The following FAM151B variants were observed in gnomAD, a reference collection of about 807,000 sequenced individuals.
The protein encoded by FAM151B is protein FAM151B.
Under a neutral mutation model 31.2 loss-of-function variants are expected in FAM151B, and 24 were observed. That is an observed-to-expected ratio of 0.77 (90% confidence interval 0.56 to 1.08). The LOEUF is 1.08. Ranked by LOEUF, FAM151B falls within the 50% of genes least tolerant of loss-of-function variation. FAM151B has a pLI of 0.00. For synonymous variants in FAM151B, 105 were observed against 111.4 expected (o/e 0.94, Z 0.36); for missense variants, 293 against 328.6 (o/e 0.89, Z 0.84).
chr5:80,540,441 A>T (rs1272055640), intron 5 of FAM151B, among the ~76,000 whole-genome samples: 1 of 152,222 alleles, frequency 6.6e-6, no homozygotes, highest in African/African-American at 2.4e-5. Context: ...CACAATAAAG[A>T]AGGTTAAAAA....
At chr5:80,491,680 C>T (rs960955778) in intron 1 of FAM151B, among the ~76,000 whole-genome samples, 1 of 152,162 alleles carries the variant, frequency 6.6e-6, no homozygotes, top group Non-Finnish European at 1.5e-5. Flanking sequence ...GCTTTCTACT[C>T]CTAGAGCTCT....
chr5:80,514,753 A>G (rs974671937), intron 3 of FAM151B, among the ~76,000 whole-genome samples: 1 of 152,098 alleles, frequency 6.6e-6, no homozygotes, highest in African/African-American at 2.4e-5. Context: ...TTTAAATAGA[A>G]TTATCTCAAG....
At chr5:80,509,376 C>A (rs1744101082) in intron 2 of FAM151B, among the ~76,000 whole-genome samples, 1 of 152,092 alleles carries the variant, frequency 6.6e-6, no homozygotes, top group African/African-American at 2.4e-5. Flanking sequence ...ATTTAAAGGA[C>A]TTTGGAAAGT....
At chr5:80,505,189 T>C (rs1743905113) in intron 2 of FAM151B, among the ~76,000 whole-genome samples, 1 of 152,050 alleles carries the variant, frequency 6.6e-6, no homozygotes, top group Non-Finnish European at 1.5e-5. Context: ...GTTTATTTCT[T>C]TATTTTTATT....
Position 80,521,718 on chromosome 5 carries a change from A to AT in FAM151B, c.536-277dup, listed in dbSNP as rs550602040. ...AAGTAAATAAAATCTAGTGGTGTAA[A>AT]TTTTTTTTCTTGTGCTTGAGAGATT... is the stretch of plus-strand genomic sequence containing the variant. On this transcript the variant is annotated intron_variant, in intron 4 of 5. Transcript: ENST00000282226. Among the ~76,000 whole-genome samples the AT allele has an allele frequency of 3.7e-3, 565 of 152,102 alleles. 5 individuals carry two copies. The highest frequency in any genetic ancestry group is 0.013 in the African/African-American group (537 of 41,514).
At chr5:80,524,954 G>C (rs972602065) in intron 5 of FAM151B, among the ~76,000 whole-genome samples, 1 of 152,132 alleles carries the variant, frequency 6.6e-6, no homozygotes, top group African/African-American at 2.4e-5. Context: ...ATAAATAGTT[G>C]TTAAATGGAA....
chr5:80,511,795 C>T lies in FAM151B; in HGVS notation c.152-1809C>T, dbSNP rs116304380. On this transcript the variant is annotated intron_variant, in intron 2 of 5. Transcript: ENST00000282226. The stretch of plus-strand genomic sequence containing the variant: ...CTAAATTTTGAGTTTTTAGTGGATA[C>T]GGGGTTTCTCCATGTTGGCCAGGTT... Among the ~76,000 whole-genome samples, 1,338 of 152,016 alleles carry T rather than the reference C, an allele frequency of 8.8e-3. 24 individuals carry two copies. The highest frequency in any genetic ancestry group is 0.031 in the African/African-American group (1,269 of 41,470).
chr5:80,521,166 C>T (rs1419350068), intron 4 of FAM151B, among the ~76,000 whole-genome samples: 1 of 142,588 alleles, frequency 7.0e-6, no homozygotes, highest in Non-Finnish European at 1.5e-5. Flanking sequence ...GGCTCTGTCA[C>T]CCAGGCTGAG....
chr5:80,526,021 C>A (rs1449653009), intron 5 of FAM151B, among the ~76,000 whole-genome samples: 5 of 151,874 alleles, frequency 3.3e-5, no homozygotes, highest in Non-Finnish European at 7.4e-5. Context: ...TTTCTGTATA[C>A]AGTCATCCCT....
intron 1 of FAM151B, chr5:80,501,181 T>A (rs76066273): frequency 6.3e-6 from 1 of 158,368 alleles, no homozygotes; most frequent in East Asian, 1.7e-4. Context: ...ACCTGGCTAA[T>A]TTTTTTTTTT....
Position 80,539,844 on chromosome 5 carries a change from A to G in FAM151B, c.672-1829A>G, listed in dbSNP as rs184949964. ...TAGGAGTGATTTACGATTATTTTTC[A>G]AAAGTTTTAAATTTACAGAAAAGTT... On this transcript the variant is annotated intron_variant, in intron 5 of 5. Transcript: ENST00000282226. 1.4e-3 allele frequency among the ~76,000 whole-genome samples: 218 copies of G among 151,936 alleles called. 1 individual carries two copies. Among genetic ancestry groups the G allele is most frequent in the Admixed American group, 0.013 (204 of 15,256 alleles).
At chr5:80,524,329 CAT>C (rs749630098) in intron 5 of FAM151B, among the ~76,000 whole-genome samples, 19 of 151,976 alleles carry the variant, frequency 1.3e-4, no homozygotes, top group Non-Finnish European at 2.1e-4. Flanking sequence ...TTCACATAGT[CAT>C]ATGTGTGATA....
Position 80,517,183 on chromosome 5 carries a change from A to G in FAM151B, c.318-2510A>G, listed in dbSNP as rs1292225499. On this transcript the variant is annotated intron_variant, in intron 3 of 5. Coordinates refer to ENST00000282226, the MANE Select transcript of FAM151B (RefSeq NM_205548.3). ...ACCACATTCACATAACTTTTATTAT[A>G]GTATATTGCTATAATTGTTCTATTT... 2.0e-5 allele frequency among the ~76,000 whole-genome samples: 3 copies of G among 152,172 alleles called. No individual in the cohort carries two copies. In the South Asian group the frequency reaches 6.2e-4, roughly 32 times the overall value.
intron 2 of FAM151B, among the ~76,000 whole-genome samples, chr5:80,508,740 C>T (rs1744075721): frequency 2.0e-5 from 3 of 152,080 alleles, no homozygotes. Flanking sequence ...GAAGCCACAC[C>T]CCCGTCTCTT....
chr5:80,533,932 A>G (rs769516469), intron 5 of FAM151B, among the ~76,000 whole-genome samples: 5 of 152,120 alleles, frequency 3.3e-5, no homozygotes, highest in Non-Finnish European at 7.3e-5. Context: ...AGACATTACA[A>G]TTGATACTGT....
In FAM151B at chr5:80,522,043, T is replaced by C. The variant is rs1294823879; in HGVS notation, c.576T>C (p.Cys192=). The part of the protein sequence containing the change: ...WTMVKEMEYI[C]NELSQPVTFP... The stretch of plus-strand genomic sequence containing the variant: ...TGGTGAAAGAGATGGAATATATATG[T>C]AATGAACTAAGTCAGCCTGTAACGT... The change falls in exon 5 of 6, where the codon TGT becomes TGC. Residue 192 remains cysteine (C), a synonymous_variant. Transcript: ENST00000282226. 6.2e-7 allele frequency: 1 copy of C among 1,611,310 alleles called. No homozygotes were observed. Among genetic ancestry groups the C allele is most frequent in the East Asian group, 2.2e-5 (1 of 44,820 alleles).
In FAM151B at chr5:80,542,078, C is replaced by T. The variant is rs1177023486; in HGVS notation, c.*246C>T. The T allele has an allele frequency of 2.5e-6, 1 of 398,112 alleles. No individual in the cohort carries two copies. The highest frequency in any genetic ancestry group is 4.5e-6 in the Non-Finnish European group (1 of 224,546). 24.7% of individuals were successfully genotyped at this position (398,112 alleles called of 1,614,324 possible). A position where few individuals can be genotyped will look rare whatever the true frequency, so the allele number is the denominator to read the frequency against. On this transcript the variant is annotated 3_prime_UTR_variant, in exon 6 of 6. Transcript: ENST00000282226. ...CTAATAATAATTCAGGAAAATGATA[C>T]TCTGCACCCCTTCATAAAAATAGTT...
rs137973083 is a variant in FAM151B at position 80,519,771 on chromosome 5, C to T, written c.396C>T (p.Ala132=). The T allele has an allele frequency of 4.3e-5, 70 of 1,614,066 alleles. 1 individual carries two copies. The African/African-American group carries it at 4.8e-4, about 11-fold the overall frequency. The change falls in exon 4 of 6, where the codon GCC becomes GCT. Residue 132 remains alanine (A), a synonymous_variant. Coordinates refer to ENST00000282226, the MANE Select transcript of FAM151B (RefSeq NM_205548.3). ...TGAAGCGTCCTGTATGGATTAATGC[C>T]GATATTCTTCCTGGTCCAAATGGAA... ...RHLKRPVWIN[A]DILPGPNGNS... is the part of the protein sequence containing the mutation.
intron 1 of FAM151B, among the ~76,000 whole-genome samples, chr5:80,492,605 A>T (rs1743371786): frequency 6.6e-6 from 1 of 152,216 alleles, no homozygotes; most frequent in Non-Finnish European, 1.5e-5. Flanking sequence ...TAACCATAGA[A>T]TGGGCTCTAA....
Sources: allele counts gnomAD v4.1 joint callset (sites outside exome capture counted in the v4.1 genomes callset), GRCh38; gene constraint gnomAD v4.1.1; transcripts MANE v1.5; gene names NCBI Gene and HGNC (gene_info 2026-07-23, HGNC 2026-07-21).